ULK4: variants seen among roughly 807,000 people sequenced by gnomAD.
The protein encoded by ULK4 is inactive serine/threonine-protein kinase ULK4.
A neutral mutation model predicts 160.6 loss-of-function variants in ULK4; 133 were observed. The ratio of observed to expected loss-of-function variants is 0.83; its 90% CI spans 0.72 to 0.96. ULK4 has a LOEUF of 0.96. ULK4 is among the 40% of genes least tolerant of loss of function. ULK4 has a pLI of 0.00. For missense variants in ULK4, 1,580 were observed against 1,499.5 expected (o/e 1.05, Z -0.89); for synonymous variants, 534 against 539.8 (o/e 0.99, Z 0.15).
intron 21 of ULK4, among the ~76,000 whole-genome samples, chr3:41,777,473 T>C (rs2039669372): frequency 2.5e-5 from 1 of 39,312 alleles, no homozygotes; most frequent in African/African-American, 1.9e-4. Context: ...AGCTTTTGAA[T>C]GTGTTTGCTC....
At chr3:41,402,045 C>A (rs955408022) in intron 34 of ULK4, among the ~76,000 whole-genome samples, 9 of 152,070 alleles carry the variant, frequency 5.9e-5, no homozygotes, top group African/African-American at 2.2e-4. Context: ...TCCTTGTTTT[C>A]TTTTGCTTCC....
At chr3:41,817,499 T>A (rs764213475) in intron 19 of ULK4, among the ~76,000 whole-genome samples, 1 of 152,184 alleles carries the variant, frequency 6.6e-6, no homozygotes, top group Non-Finnish European at 1.5e-5. Flanking sequence ...GAAGCCATTA[T>A]CCTAAACAAA....
At chr3:41,919,311 A>T (rs934170980) in intron 6 of ULK4, among the ~76,000 whole-genome samples, 1 of 152,152 alleles carries the variant, frequency 6.6e-6, no homozygotes, top group African/African-American at 2.4e-5. Flanking sequence ...ATAAGGTCAC[A>T]GTTTTTTTGG....
intron 16 of ULK4, among the ~76,000 whole-genome samples, chr3:41,889,749 A>G (rs1188024848): frequency 6.6e-6 from 1 of 152,248 alleles, no homozygotes; most frequent in African/African-American, 2.4e-5. Flanking sequence ...TTATCATTTT[A>G]TCCAGCAATC....
intron 21 of ULK4, among the ~76,000 whole-genome samples, chr3:41,786,616 A>G (rs1440370896): frequency 6.6e-6 from 1 of 151,810 alleles, no homozygotes; most frequent in Non-Finnish European, 1.5e-5. Flanking sequence ...AAAAAAAAAA[A>G]AGCAAATGTT....
At chr3:41,717,494 C>T (rs985887970) in intron 23 of ULK4, among the ~76,000 whole-genome samples, 6 of 152,144 alleles carry the variant, frequency 3.9e-5, no homozygotes, top group East Asian at 3.9e-4. Flanking sequence ...CAGTTTACCT[C>T]GGATCACACC....
intron 17 of ULK4, among the ~76,000 whole-genome samples, chr3:41,869,432 T>A (rs1179455188): frequency 6.6e-6 from 1 of 151,956 alleles, no homozygotes; most frequent in Non-Finnish European, 1.5e-5. Flanking sequence ...AATAAAAAAA[T>A]TAGCCGGGCA....
At chr3:41,842,950 G>A (rs919002216) in intron 17 of ULK4, among the ~76,000 whole-genome samples, 7 of 152,186 alleles carry the variant, frequency 4.6e-5, no homozygotes, top group Admixed American at 1.3e-4. Flanking sequence ...AATAAATAGT[G>A]CTGAAGCCAT....
At chr3:41,565,683 A>G (rs1357439480) in intron 32 of ULK4, among the ~76,000 whole-genome samples, 1 of 152,156 alleles carries the variant, frequency 6.6e-6, no homozygotes. Flanking sequence ...GAACTGTACA[A>G]AATAGATTTC....
chr3:41,585,679 AAATTTT>A (rs2030741770), intron 31 of ULK4, among the ~76,000 whole-genome samples: 3 of 152,220 alleles, frequency 2.0e-5, no homozygotes, highest in Admixed American at 2.0e-4. Context: ...AGACCACATC[AAATTTT>A]AAAACTTTCA....
chr3:41,805,811 G>A (rs1332713708), intron 19 of ULK4, among the ~76,000 whole-genome samples: 15 of 144,898 alleles, frequency 1.0e-4, no homozygotes, highest in South Asian at 2.2e-4. Context: ...TATTGAACCA[G>A]CCTTGCATCC....
chr3:41,646,565 G>T (rs1399567782), intron 30 of ULK4, among the ~76,000 whole-genome samples: 1 of 152,242 alleles, frequency 6.6e-6, no homozygotes. Context: ...GAGATCCGCT[G>T]TTAGTCTGAT....
At chr3:41,638,427 A>G (rs1266354818) in intron 30 of ULK4, among the ~76,000 whole-genome samples, 1 of 152,166 alleles carries the variant, frequency 6.6e-6, no homozygotes, top group Non-Finnish European at 1.5e-5. Flanking sequence ...GAGAGAAGAA[A>G]TGCACCCCAA....
intron 17 of ULK4, among the ~76,000 whole-genome samples, chr3:41,879,821 T>C (rs988647352): frequency 2.0e-5 from 3 of 152,090 alleles, no homozygotes; most frequent in African/African-American, 7.2e-5. Flanking sequence ...AAAATGTCTG[T>C]TAATACTCCT....
intron 30 of ULK4, among the ~76,000 whole-genome samples, chr3:41,637,350 A>C (rs1480931753): frequency 6.6e-6 from 1 of 152,178 alleles, no homozygotes; most frequent in East Asian, 1.9e-4. Context: ...AGGTCCATCC[A>C]TATTGCCACC....
At chr3:41,858,375 C>T (rs1423984131) in intron 17 of ULK4, among the ~76,000 whole-genome samples, 1 of 151,752 alleles carries the variant, frequency 6.6e-6, no homozygotes, top group East Asian at 1.9e-4. Flanking sequence ...TGGTCTCCAA[C>T]TCCTGTCCTC....
intron 34 of ULK4, among the ~76,000 whole-genome samples, chr3:41,428,050 G>T (rs2082817834): frequency 6.6e-6 from 1 of 152,168 alleles, no homozygotes; most frequent in Non-Finnish European, 1.5e-5. Context: ...AGTTTAAGCT[G>T]ATAAGCAACT....
intron 29 of ULK4, among the ~76,000 whole-genome samples, chr3:41,678,167 C>A (rs1053948220): frequency 2.1e-5 from 3 of 141,496 alleles, no homozygotes; most frequent in Non-Finnish European, 4.6e-5. Flanking sequence ...TAAAATAAAT[C>A]TTTATTTCAT....
chr3:41,417,166 TG>T (rs1456636401), intron 34 of ULK4, among the ~76,000 whole-genome samples: 1 of 152,190 alleles, frequency 6.6e-6, no homozygotes, highest in Non-Finnish European at 1.5e-5. Flanking sequence ...TGAAGCATTC[TG>T]TTCTGCACAG....
Sources: allele counts gnomAD v4.1 joint callset (sites outside exome capture counted in the v4.1 genomes callset), GRCh38; gene constraint gnomAD v4.1.1; transcripts MANE v1.5; gene names NCBI Gene and HGNC (gene_info 2026-07-23, HGNC 2026-07-21).